Variants in UTP20 observed in about 807,000 individuals in gnomAD.
UTP20 encodes UTP20 small subunit processome component.
Under a neutral mutation model 329.5 loss-of-function variants are expected in UTP20, and 164 were observed. The observed-to-expected ratio is 0.50, with a 90% confidence interval of 0.44 to 0.57. UTP20 has a LOEUF of 0.57. UTP20 is among the 20% of genes least tolerant of loss of function. UTP20 has a pLI of 0.00. For missense variants in UTP20, 3,055 were observed against 3,284.2 expected, an observed-to-expected ratio of 0.93 and a Z score of 1.71; for synonymous variants, 1,151 against 1,159.3, an observed-to-expected ratio of 0.99 and a Z score of 0.14.
In UTP20 at chr12:101,379,554, A is replaced by G. The variant is rs746045243; in HGVS notation, c.7580A>G (p.Gln2527Arg). 1 of 1,609,524 alleles carries G rather than the reference A, an allele frequency of 6.2e-7. No individual in the cohort carries two copies. The highest frequency in any genetic ancestry group is 2.2e-5 in the East Asian group (1 of 44,800). Reference sequence around the variant, plus strand: ...AAGTTCCTAGCCAGTGACCTTGACCAAAAGGTAAGCTTTCTCTCAAACCTT... The same window carrying G: ...AAGTTCCTAGCCAGTGACCTTGACCGAAAGGTAAGCTTTCTCTCAAACCTT... ...AIKFLASDLDQKMKSISLASC... is the reference protein window; with the variant it reads ...AIKFLASDLDRKMKSISLASC... The change falls in exon 57 of 62, where the codon CAA becomes CGA. Residue 2527 changes from glutamine to arginine, a missense_variant. Gln to Arg is a conservative substitution (Grantham distance 43, BLOSUM62 1). This residue lies in a region of UTP20 where 337 missense variants were observed against 345.5 expected (regional missense o/e 0.98). Transcript: ENST00000261637.
rs202007555 is a variant in UTP20, at chr12:101,355,074, A to G, written c.5350A>G (p.Thr1784Ala). The change falls in exon 41 of 62, where the codon ACC (threonine) becomes GCC (alanine). Residue 1784 changes from threonine to alanine, a missense_variant. Transcript: ENST00000261637. ...AATTAAAAATATCCAAGGAACCATAACCGGGGATATTCTCCCCAGGCTACA... is the reference window on the plus strand; with the variant it reads ...AATTAAAAATATCCAAGGAACCATAGCCGGGGATATTCTCCCCAGGCTACA... Reference protein sequence around the residue: ...RTIKNIQGTITGDILPRLHKC... With the variant: ...RTIKNIQGTIAGDILPRLHKC... The G allele has an allele frequency of 5.0e-4, 803 of 1,614,048 alleles. 9 individuals carry two copies. In the South Asian group the frequency reaches 7.9e-3, roughly 16 times the overall value.
In UTP20 at chr12:101,290,253, G is replaced by A; in HGVS notation, c.714G>A (p.Met238Ile). 6.2e-7 allele frequency: 1 copy of A among 1,608,876 alleles called. No individual in the cohort carries two copies. Among genetic ancestry groups the A allele is most frequent in the South Asian group, 1.1e-5 (1 of 89,614 alleles). Reference sequence around the variant, plus strand: ...AAATGTGCAAAGGAGTTAGAAATATGTTTCACTCCTGTACAGGCCAGGTAC... The same window carrying A: ...AAATGTGCAAAGGAGTTAGAAATATATTTCACTCCTGTACAGGCCAGGTAC... ...LFEMCKGVRN[M>I]FHSCTGQAVK... is the part of the protein sequence containing the mutation. Residue 238 changes from methionine (M) to isoleucine (I), a missense_variant, in exon 7 of 62, where the codon ATG (methionine) becomes ATA (isoleucine). Physicochemically the swap from Met to Ile is conservative, Grantham distance 10. Transcript: ENST00000261637.
chr12:101,382,737 C>T (rs985258406), intron 58 of UTP20, among the ~76,000 whole-genome samples: 3 of 151,828 alleles, frequency 2.0e-5, no homozygotes, highest in African/African-American at 7.3e-5. Context: ...CCTGTAATCC[C>T]AGCTTCTCAG....
chr12:101,356,841 G>C (rs1184340125), intron 42 of UTP20, 85 bp from the exon 43 acceptor site: 2 of 1,482,530 alleles, frequency 1.3e-6, no homozygotes, highest in Non-Finnish European at 9.1e-7. Context: ...TTTGAGTTAC[G>C]AGTAATTAAG....
intron 22 of UTP20, among the ~76,000 whole-genome samples, chr12:101,317,918 T>C (rs572713660): frequency 1.8e-4 from 28 of 152,326 alleles, no homozygotes; most frequent in African/African-American, 6.5e-4. Flanking sequence ...TGTAGCTCCT[T>C]TTTATAGATG....
At chr12:101,368,127 T>G (rs1231679885) in intron 48 of UTP20, 151 bp downstream of exon 48, 10 of 247,160 alleles carry the variant, frequency 4.0e-5, no homozygotes, top group East Asian at 7.5e-5. Flanking sequence ...GGTTTTTGGG[T>G]TTTTTTTTTT....
At chr12:101,327,776 G>T (rs189616745) in intron 26 of UTP20, among the ~76,000 whole-genome samples, 2 of 152,308 alleles carry the variant, frequency 1.3e-5, no homozygotes, top group African/African-American at 4.8e-5. Flanking sequence ...GTGCTCTGTG[G>T]TATGTTCTTT....
At chr12:101,350,971 C>G (rs570225491) in intron 38 of UTP20, among the ~76,000 whole-genome samples, 1 of 152,108 alleles carries the variant, frequency 6.6e-6, no homozygotes, top group Non-Finnish European at 1.5e-5. Flanking sequence ...CCACTGGGCT[C>G]TTTTTGGGTT....
chr12:101,383,480 T>C, intron 59 of UTP20, 63 bp from the exon 60 acceptor site: 1 of 1,565,854 alleles, frequency 6.4e-7, no homozygotes, highest in Non-Finnish European at 8.7e-7. Context: ...CAATTAATGC[T>C]GTGTCTATGA....
At chr12:101,283,615 T>TA (rs1263161125) in intron 2 of UTP20, among the ~76,000 whole-genome samples, 1 of 152,238 alleles carries the variant, frequency 6.6e-6, no homozygotes, top group African/African-American at 2.4e-5. Context: ...AAATGCGTTC[T>TA]GCATTTAAGT....
At chr12:101,320,795 C>T in intron 23 of UTP20, 57 bp from the exon 24 acceptor site, 1 of 1,420,574 alleles carries the variant, frequency 7.0e-7, no homozygotes. Context: ...AAGTAAATTG[C>T]TATCCTATGG....
chr12:101,326,195 A>G (rs1868545124), intron 25 of UTP20, among the ~76,000 whole-genome samples: 1 of 152,052 alleles, frequency 6.6e-6, no homozygotes, highest in Non-Finnish European at 1.5e-5. Flanking sequence ...TTTACTAATG[A>G]CTCTTTCTTG....
At chr12:101,348,779 G>C (rs1332676225) in intron 38 of UTP20, among the ~76,000 whole-genome samples, 1 of 59,264 alleles carries the variant, frequency 1.7e-5, no homozygotes, top group African/African-American at 6.5e-5. Context: ...GGTCTCCTTT[G>C]TTGCTCAGGC....
chr12:101,379,888 C>T (rs184441222), intron 57 of UTP20, among the ~76,000 whole-genome samples: 7 of 151,468 alleles, frequency 4.6e-5, no homozygotes, highest in Admixed American at 1.3e-4. Context: ...GGTGTGATCT[C>T]GGGTCACTGC....
At position 101,363,751 on chromosome 12, in the gene UTP20, C is replaced by T. The variant is rs1201195970; in HGVS notation, c.5958+8C>T. The T allele has an allele frequency of 1.3e-5, 20 of 1,564,844 alleles. No homozygotes were observed. Among genetic ancestry groups the T allele is most frequent in the South Asian group, 2.2e-5 (2 of 90,014 alleles). On this transcript the variant is annotated splice_region_variant and intron_variant, in intron 45 of 61. Coordinates refer to ENST00000261637, the MANE Select transcript of UTP20 (RefSeq NM_014503.3). Reference sequence around the variant, plus strand: ...ATCCTTCCATTAAAAGAGGTAAGGACGTAAATGCAATTCTGGAGATCACAG... The same window carrying T: ...ATCCTTCCATTAAAAGAGGTAAGGATGTAAATGCAATTCTGGAGATCACAG...
intron 60 of UTP20, 24 bp downstream of exon 60, chr12:101,383,693 C>CT: frequency 6.6e-7 from 1 of 1,504,980 alleles, no homozygotes; most frequent in Non-Finnish European, 8.9e-7. Context: ...GTCTGTTCTC[C>CT]TGCCTTTTGC....
Position 101,319,542 on chromosome 12 carries a change from T to C in UTP20, c.2739-3T>C, listed in dbSNP as rs1257365232. ...TAACACTCTCTGTTTTGTTTTTGTTTAGGCAATTAATTGCTCATTTGCAAG... is the reference window on the plus strand; with the variant it reads ...TAACACTCTCTGTTTTGTTTTTGTTCAGGCAATTAATTGCTCATTTGCAAG... On this transcript the variant is annotated splice_region_variant and splice_polypyrimidine_tract_variant and intron_variant, in intron 22 of 61. Coordinates refer to ENST00000261637, the MANE Select transcript of UTP20 (RefSeq NM_014503.3). The C allele has an allele frequency of 4.4e-6, 7 of 1,595,630 alleles. No homozygotes were observed. Among genetic ancestry groups the C allele is most frequent in the Non-Finnish European group, 6.0e-6 (7 of 1,175,848 alleles).
intron 41 of UTP20, 152 bp from the exon 42 acceptor site, chr12:101,356,402 A>T: frequency 1.3e-6 from 1 of 762,000 alleles, no homozygotes; most frequent in Non-Finnish European, 2.0e-6. Flanking sequence ...CTGGGATTCC[A>T]GGCATGAGCC....
At chr12:101,281,039 A>G in intron 1 of UTP20, 77 bp from the exon 2 acceptor site, 1 of 1,239,756 alleles carries the variant, frequency 8.1e-7, no homozygotes, top group South Asian at 1.4e-5. Context: ...AGATGCCTAC[A>G]TGCAGCATTC....
Sources: allele counts gnomAD v4.1 joint callset (sites outside exome capture counted in the v4.1 genomes callset), GRCh38; gene constraint gnomAD v4.1.1; regional missense constraint gnomAD v4.1.1; transcripts MANE v1.5; gene names NCBI Gene and HGNC (gene_info 2026-07-23, HGNC 2026-07-21).